Variants in FAT1 observed in about 807,000 individuals in gnomAD.
FAT1 encodes FAT atypical cadherin 1, also known as protocadherin Fat 1.
A neutral mutation model predicts 329.8 loss-of-function variants in FAT1; 171 were observed. That is an observed-to-expected ratio of 0.52 (90% CI 0.46 to 0.59). The LOEUF is 0.59. FAT1 is among the 20% of genes least tolerant of loss of function. FAT1 has a pLI of 0.00. For synonymous variants in FAT1, 2,233 were observed against 2,228.6 expected, an observed-to-expected ratio of 1.00 and a Z score of -0.06; for missense variants, 5,672 against 5,774.4, an observed-to-expected ratio of 0.98 and a Z score of 0.57.
chr4:186,670,438 G>A (rs897077320), intron 2 of FAT1, among the ~76,000 whole-genome samples: 1 of 152,074 alleles, frequency 6.6e-6, no homozygotes, highest in Non-Finnish European at 1.5e-5. Context: ...CGTAAACAGG[G>A]TAACTCTTTT....
At chr4:186,662,667 A>T (rs1742235135) in intron 3 of FAT1, among the ~76,000 whole-genome samples, 1 of 152,216 alleles carries the variant, frequency 6.6e-6, no homozygotes, top group Non-Finnish European at 1.5e-5. Flanking sequence ...GACAATTCAA[A>T]TTCTTAGCAG....
At chr4:186,658,825 C>G (rs1230228385) in intron 3 of FAT1, among the ~76,000 whole-genome samples, 3 of 152,116 alleles carry the variant, frequency 2.0e-5, no homozygotes, top group Non-Finnish European at 4.4e-5. Context: ...TTCCACCGGA[C>G]CCGTGAGGGC....
rs758885671 is a variant in FAT1, at chr4:186,620,353, G to A, written c.6233C>T (p.Ala2078Val). Residue 2078 changes from alanine (A) to valine (V), a missense_variant, in exon 10 of 27, where the codon GCG becomes GTG. Ala to Val is a moderately conservative substitution (Grantham distance 64). Coordinates refer to ENST00000441802, the MANE Select transcript of FAT1 (RefSeq NM_005245.4). ...GTAGGGAAGGTTGACAAACACCGGC[G>A]CATTATCATTTTGGTCTTCTACAAT... ...KVIVEDQNDN[A>V]PVFVNLPYYA... 25 of 1,613,862 alleles carry A rather than the reference G, an allele frequency of 1.5e-5. No individual in the cohort carries two copies. The highest frequency in any genetic ancestry group is 4.4e-5 in the South Asian group (4 of 91,076).
intron 2 of FAT1, among the ~76,000 whole-genome samples, chr4:186,666,301 T>C (rs1485987956): frequency 3.3e-5 from 5 of 152,186 alleles, no homozygotes; most frequent in African/African-American, 1.2e-4. Context: ...TTCCCTGTTC[T>C]CTAACCCAAG....
At chr4:186,652,364 C>T (rs78788250) in intron 3 of FAT1, among the ~76,000 whole-genome samples, 2,120 of 152,224 alleles carry the variant, frequency 0.014, 84 homozygotes, top group East Asian at 0.14. Context: ...ATAATTTTAG[C>T]AAATAATATT....
chr4:186,630,867 T>C (rs1329768213), intron 7 of FAT1, among the ~76,000 whole-genome samples: 3 of 151,880 alleles, frequency 2.0e-5, no homozygotes, highest in African/African-American at 7.3e-5. Context: ...AAAGAAGATA[T>C]GAAAGCAAAG....
At chr4:186,723,467 G>C (rs1745552610) in intron 1 of FAT1, among the ~76,000 whole-genome samples, 197 bp downstream of exon 1, 1 of 152,170 alleles carries the variant, frequency 6.6e-6, no homozygotes, top group African/African-American at 2.4e-5. Context: ...CTCCGCCGCC[G>C]GGACCCCCCT....
intron 2 of FAT1, among the ~76,000 whole-genome samples, chr4:186,675,612 C>CA (rs1742913761): frequency 6.6e-6 from 1 of 151,634 alleles, no homozygotes; most frequent in South Asian, 2.1e-4. Context: ...ACTAAAAATA[C>CA]AAAAAATTTG....
rs182281103 is a variant in FAT1 at position 186,716,162 on chromosome 4, G to A, written c.-18-6317C>T. ...AAACGCCGCATATTTATTACTGAGC[G>A]GTCACAATTCTTACAAGCACAAGTA... On this transcript the variant is annotated intron_variant, in intron 1 of 26. Transcript: ENST00000441802. 4.4e-3 allele frequency among the ~76,000 whole-genome samples: 672 copies of A among 151,990 alleles called. 7 individuals carry two copies. Among genetic ancestry groups the A allele is most frequent in the African/African-American group, 0.016 (651 of 41,454 alleles).
intron 2 of FAT1, among the ~76,000 whole-genome samples, chr4:186,699,712 C>T (rs1744210078): frequency 6.7e-6 from 1 of 149,204 alleles, no homozygotes; most frequent in Non-Finnish European, 1.5e-5. Context: ...AAAAAAAATG[C>T]CAGAAAGGCA....
At chr4:186,715,877 GA>G (rs748799878) in intron 1 of FAT1, among the ~76,000 whole-genome samples, 2 of 152,116 alleles carry the variant, frequency 1.3e-5, no homozygotes, top group Non-Finnish European at 2.9e-5. Context: ...AAATACGGCA[GA>G]AAAATAACTT....
chr4:186,595,298 T>G lies in FAT1; in HGVS notation c.13138+391A>C, dbSNP rs201692278. Among the ~76,000 whole-genome samples the G allele has an allele frequency of 8.1e-3, 745 of 91,824 alleles. 4 individuals carry two copies. The highest frequency in any genetic ancestry group is 0.046 in the African/African-American group (682 of 14,834). 60.2% of individuals were successfully genotyped at this position (91,824 alleles called of 152,430 possible). A position where few individuals can be genotyped will look rare whatever the true frequency, so the allele number is the denominator to read the frequency against. On this transcript the variant is annotated intron_variant, in intron 26 of 26. Coordinates refer to ENST00000441802, the MANE Select transcript of FAT1 (RefSeq NM_005245.4). ...CTATCACATCTCTTCTTAGAGGGGG[T>G]GTGTGTGTGTGTGTGTGTGAGAGAG...
At chr4:186,705,030 G>A (rs1471423529) in intron 2 of FAT1, among the ~76,000 whole-genome samples, 2 of 140,492 alleles carry the variant, frequency 1.4e-5, no homozygotes, top group African/African-American at 2.8e-5. Context: ...CTCCAGCCTC[G>A]ACCTCCTGGA....
At position 186,628,572 on chromosome 4, in the gene FAT1, A is replaced by G; in HGVS notation, c.4515T>C (p.Phe1505=). Residue 1505 remains phenylalanine (F), a synonymous_variant, in exon 8 of 27, where the codon TTT becomes TTC. Coordinates refer to ENST00000441802, the MANE Select transcript of FAT1 (RefSeq NM_005245.4). ...SSRDPLSLKK[F]RLDPATGSLY... ...GAGAGCCGGTTGCAGGATCAAGACG[A>G]AATTTCTTGAGACTCAGTGGATCTC... The G allele has an allele frequency of 6.2e-7, 1 of 1,613,954 alleles. No individual in the cohort carries two copies. The highest frequency in any genetic ancestry group is 1.1e-5 in the South Asian group (1 of 91,076).
rs2126415592 is a variant in FAT1, at chr4:186,600,373, C to T, written c.11641-13G>A. ...TTCCATGATGAATCTAGGATAAAAG[C>T]AATGACTGTTCACATTACTCTCATA... On this transcript the variant is annotated splice_polypyrimidine_tract_variant and intron_variant, in intron 21 of 26. Coordinates refer to ENST00000441802, the MANE Select transcript of FAT1 (RefSeq NM_005245.4). 6 of 1,595,158 alleles carry T rather than the reference C, an allele frequency of 3.8e-6. No homozygotes were observed. Among genetic ancestry groups the T allele is most frequent in the Non-Finnish European group, 5.1e-6 (6 of 1,168,710 alleles).
chr4:186,724,678 C>T (rs150849396), upstream of FAT1, among the ~76,000 whole-genome samples: 338 of 152,300 alleles, frequency 2.2e-3, 10 homozygotes, highest in South Asian at 0.054. The surrounding 1 kb of genome is among the most constrained non-coding windows in gnomAD (Gnocchi z 5.3). Flanking sequence ...CTGAGCGTCC[C>T]GGGCGCGGAG....
At position 186,597,991 on chromosome 4, in the gene FAT1, C is replaced by A; in HGVS notation, c.12238G>T (p.Gly4080Ter). Residue 4080 changes from glycine (G) to a stop codon, truncating the protein, a stop_gained, in exon 23 of 27, where the codon GGA (glycine) becomes TGA (stop). Transcript: ENST00000441802. LOFTEE classifies it high-confidence loss of function. Reference sequence around the variant, plus strand: ...ACATACCTCTGACCAGTATATAATCCTCTACACTGGCAAACAAAGCCTCCG... The same window carrying A: ...ACATACCTCTGACCAGTATATAATCATCTACACTGGCAAACAAAGCCTCCG... ...DNGGFVCQCRGLYTGQRCQLS... is the reference protein window; with the variant it reads ...DNGGFVCQCR 1 of 1,612,590 alleles carries A rather than the reference C, an allele frequency of 6.2e-7. No homozygotes were observed. Among genetic ancestry groups the A allele is most frequent in the Non-Finnish European group, 8.5e-7 (1 of 1,179,524 alleles).
chr4:186,646,514 T>C (rs1284601885), intron 3 of FAT1, among the ~76,000 whole-genome samples: 1 of 152,196 alleles, frequency 6.6e-6, no homozygotes, highest in African/African-American at 2.4e-5. Flanking sequence ...AATGTCACCA[T>C]AGAACTGAAT....
At position 186,603,490 on chromosome 4, in the gene FAT1, T is replaced by C. The variant is rs751497113; in HGVS notation, c.11036A>G (p.Gln3679Arg). 19 of 1,613,884 alleles carry C rather than the reference T, an allele frequency of 1.2e-5. No homozygotes were observed. Among genetic ancestry groups the C allele is most frequent in the Non-Finnish European group, 1.5e-5 (18 of 1,179,900 alleles). The stretch of plus-strand genomic sequence containing the variant: ...TTCAGAGGACTGCAAACTAACAATC[T>C]GTATGTCGTTCCTCCTCACACCCAG... The part of the protein sequence containing the change: ...NILGVRRNDI[Q>R]IVSLQSSEPH... Residue 3679 changes from glutamine to arginine, a missense_variant, in exon 19 of 27, where the codon CAG (glutamine) becomes CGG (arginine). Physicochemically the swap from Gln to Arg is conservative, Grantham distance 43 (BLOSUM62 1). Transcript: ENST00000441802.
Sources: allele counts gnomAD v4.1 joint callset (sites outside exome capture counted in the v4.1 genomes callset), GRCh38; gene constraint gnomAD v4.1.1; non-coding constraint Gnocchi (gnomAD v3.1); transcripts MANE v1.5; gene names NCBI Gene and HGNC (gene_info 2026-07-23, HGNC 2026-07-21).